CHRM3: variants seen among roughly 807,000 people sequenced by gnomAD.
CHRM3 encodes muscarinic acetylcholine receptor M3.
CHRM3 carries 11 observed loss-of-function variants against 41.8 expected under a neutral mutation model. The ratio of observed to expected loss-of-function variants is 0.26; its 90% confidence interval spans 0.17 to 0.44. The LOEUF is 0.44. CHRM3 is among the 20% of genes least tolerant of loss of function. The pLI is 1.00. For synonymous variants in CHRM3, 297 were observed against 301.4 expected, an observed-to-expected ratio of 0.99 and a Z score of 0.15; for missense variants, 571 against 745.4, an observed-to-expected ratio of 0.77 and a Z score of 2.72.
chr1:239,563,163 T>C (rs1394862095), intron 3 of CHRM3, among the ~76,000 whole-genome samples: 2 of 150,916 alleles, frequency 1.3e-5, no homozygotes, highest in East Asian at 3.9e-4. Context: ...AGAAGAACAA[T>C]GTTTTCTTTA....
intron 5 of CHRM3, among the ~76,000 whole-genome samples, chr1:239,804,113 A>G (rs1003838027): frequency 6.6e-6 from 1 of 152,200 alleles, no homozygotes; most frequent in Non-Finnish European, 1.5e-5. Context: ...ATCTCTCCTT[A>G]GTGATGACAG....
At chr1:239,412,406 G>A (rs1221408780) in intron 1 of CHRM3, among the ~76,000 whole-genome samples, 2 of 62,070 alleles carry the variant, frequency 3.2e-5, no homozygotes, top group African/African-American at 6.4e-5. Context: ...CCTCCAGTCA[G>A]CACTGTTCCT....
chr1:239,632,287 G>A lies in CHRM3; in HGVS notation c.-250+1G>A, dbSNP rs1322153449. ...AGAACTTCAGCTAAGGTACAATAAG[G>A]TAAGATCCTTTTTCTAGTTGAGCTA... is the stretch of plus-strand genomic sequence containing the variant. On this transcript the variant is annotated splice_donor_variant, in intron 4 of 6. Coordinates refer to ENST00000676153, the MANE Select transcript of CHRM3 (RefSeq NM_001375978.1). LOFTEE classifies it low-confidence loss of function (5UTR_SPLICE). 6.6e-6 allele frequency: 1 copy of A among 152,200 alleles called. No homozygotes were observed. The highest frequency in any genetic ancestry group is 6.5e-5 in the Admixed American group (1 of 15,276). The allele number at this position is 152,200 out of a possible 1,614,324, so 9.4% of individuals were successfully genotyped here. A position where few individuals can be genotyped will look rare whatever the true frequency, so the allele number is the denominator to read the frequency against.
chr1:239,662,130 T>C lies in CHRM3; in HGVS notation c.-249-16056T>C, dbSNP rs866886207. 1.1e-4 allele frequency among the ~76,000 whole-genome samples: 16 copies of C among 151,914 alleles called. No homozygotes were observed. The South Asian group carries it at 2.9e-3, about 28-fold the overall frequency. On this transcript the variant is annotated intron_variant, in intron 4 of 6. Transcript: ENST00000676153. ...ATGTGTGTGTGTGTGTGTGTGTGTG[T>C]GTGTGTGTGTGTGTATCTTACTGTG...
chr1:239,721,285 A>G (rs1265655200), intron 5 of CHRM3, among the ~76,000 whole-genome samples: 1 of 151,832 alleles, frequency 6.6e-6, no homozygotes, highest in Non-Finnish European at 1.5e-5. Context: ...GAGGTGAAAG[A>G]AATGTTCTTC....
At chr1:239,453,731 C>A (rs1664728891) in intron 1 of CHRM3, among the ~76,000 whole-genome samples, 1 of 152,110 alleles carries the variant, frequency 6.6e-6, no homozygotes, top group South Asian at 2.1e-4. Context: ...TTTTCATGAG[C>A]AAATATGTCT....
chr1:239,665,774 C>T (rs1030143723), intron 4 of CHRM3, among the ~76,000 whole-genome samples: 6 of 152,052 alleles, frequency 3.9e-5, no homozygotes, highest in South Asian at 2.1e-4. Flanking sequence ...TGCGGTGTTT[C>T]GTTTTCTGTT....
At chr1:239,602,045 C>T (rs1665611149) in intron 3 of CHRM3, among the ~76,000 whole-genome samples, 1 of 148,860 alleles carries the variant, frequency 6.7e-6, no homozygotes, top group Non-Finnish European at 1.5e-5. Context: ...CATATATACA[C>T]ATATATATAC....
intron 5 of CHRM3, among the ~76,000 whole-genome samples, chr1:239,813,933 A>G (rs1051843981): frequency 2.1e-5 from 3 of 143,484 alleles, no homozygotes; most frequent in Non-Finnish European, 4.6e-5. Flanking sequence ...AAAAAAAAAA[A>G]ACTCACAGTT....
At chr1:239,637,094 C>A (rs1040091472) in intron 4 of CHRM3, among the ~76,000 whole-genome samples, 3 of 152,050 alleles carry the variant, frequency 2.0e-5, no homozygotes, top group Non-Finnish European at 2.9e-5. Flanking sequence ...CAAATAAAGT[C>A]TTTTCAAAGA....
chr1:239,825,901 G>A (rs1672417105), intron 5 of CHRM3, among the ~76,000 whole-genome samples: 1 of 152,064 alleles, frequency 6.6e-6, no homozygotes, highest in South Asian at 2.1e-4. Context: ...TCTGATAGGT[G>A]CAACAACATA....
intron 5 of CHRM3, among the ~76,000 whole-genome samples, chr1:239,809,804 T>C (rs184659568): frequency 1.3e-5 from 2 of 152,236 alleles, no homozygotes; most frequent in East Asian, 3.9e-4. Context: ...TGGCCTACTG[T>C]AGTTGTTTTC....
chr1:239,506,819 T>A (rs531255847), intron 2 of CHRM3, among the ~76,000 whole-genome samples: 7 of 152,300 alleles, frequency 4.6e-5, no homozygotes, highest in Admixed American at 4.6e-4. Flanking sequence ...GGGACAGAGC[T>A]GCCCAAGACC....
chr1:239,769,859 C>A (rs1319122397), intron 5 of CHRM3, among the ~76,000 whole-genome samples: 6 of 150,366 alleles, frequency 4.0e-5, no homozygotes, highest in African/African-American at 1.5e-4. Context: ...CCAGCCTGGG[C>A]AACAGAGCTA....
chr1:239,421,048 C>T (rs765098371), intron 1 of CHRM3, among the ~76,000 whole-genome samples: 10 of 151,956 alleles, frequency 6.6e-5, no homozygotes, highest in African/African-American at 1.7e-4. Flanking sequence ...ACTAAGTACA[C>T]GTATTATTTT....
intron 3 of CHRM3, chr1:239,546,182 A>T (rs1659280732): frequency 6.6e-6 from 1 of 152,184 alleles, no homozygotes; most frequent in African/African-American, 2.4e-5. Context: ...GATGCACCAT[A>T]TTAACAGTTG....
chr1:239,837,339 GA>G (rs1673410834), intron 6 of CHRM3, among the ~76,000 whole-genome samples: 1 of 152,138 alleles, frequency 6.6e-6, no homozygotes, highest in Non-Finnish European at 1.5e-5. Context: ...AAATGAGAAT[GA>G]AGCTGTAGAA....
intron 3 of CHRM3, among the ~76,000 whole-genome samples, chr1:239,631,107 G>A (rs1015624123): frequency 9.9e-5 from 15 of 152,180 alleles, no homozygotes; most frequent in African/African-American, 2.7e-4. Flanking sequence ...GAGCATAAAT[G>A]TGCTTCTCAA....
At chr1:239,853,946 G>A (rs1421968945) in intron 6 of CHRM3, among the ~76,000 whole-genome samples, 1 of 152,068 alleles carries the variant, frequency 6.6e-6, no homozygotes, top group Non-Finnish European at 1.5e-5. Flanking sequence ...AGGATGCTAT[G>A]TAATTTACTT....
Sources: gnomAD v4.1 joint callset for allele counts (sites outside exome capture counted in the v4.1 genomes callset) on GRCh38, gnomAD v4.1.1 for gene constraint, MANE v1.5 for transcripts, NCBI Gene and HGNC (gene_info 2026-07-23, HGNC 2026-07-21) for gene names.